RNF207: variants seen among roughly 807,000 people sequenced by gnomAD.
RNF207 encodes the protein OTTHUMG00000001089.
In RNF207, 72 loss-of-function variants were observed where a neutral mutation model predicts 79.0. The observed-to-expected ratio is 0.91, with a 90% CI of 0.75 to 1.11. The LOEUF is 1.11. RNF207 is among the 50% of genes least tolerant of loss of function. The pLI is 0.00. For synonymous variants in RNF207, 348 were observed against 366.2 expected (o/e 0.95, Z 0.57); for missense variants, 936 against 855.8 (o/e 1.09, Z -1.17).
intron 2 of RNF207, 131 bp downstream of exon 2, chr1:6,206,857 T>C: frequency 1.4e-6 from 1 of 701,424 alleles, no homozygotes; most frequent in Non-Finnish European, 2.3e-6. Context: ...TGGGAGATAC[T>C]GCACCCGGTC....
rs12748837 is a variant in RNF207 at position 6,210,453 on chromosome 1, C to T, written c.942+15C>T. 1.2e-5 allele frequency: 20 copies of T among 1,605,982 alleles called. No homozygotes were observed. Among genetic ancestry groups the T allele is most frequent in the Non-Finnish European group, 1.6e-5 (19 of 1,174,820 alleles). On this transcript the variant is annotated intron_variant, in intron 10 of 17. Transcript: ENST00000377939. ...ACCTGGGCTATGTGAGTCTCCTCTGCTCCTGCAGATGCCCCCTCCCCACCA... is the reference window on the plus strand; with the variant it reads ...ACCTGGGCTATGTGAGTCTCCTCTGTTCCTGCAGATGCCCCCTCCCCACCA...
Position 6,206,293 on chromosome 1 carries a change from G to T in RNF207, c.-10G>T, listed in dbSNP as rs1371180582. 2.2e-6 allele frequency: 1 copy of T among 452,900 alleles called. No individual in the cohort carries two copies. The highest frequency in any genetic ancestry group is 3.9e-6 in the Non-Finnish European group (1 of 258,376). 28.1% of individuals were successfully genotyped at this position (452,900 alleles called of 1,614,324 possible). ...GAGGACCGGTAGCTCCCAGCAAAGC[G>T]GCCCAGCGGGTAGGTACAAGGCCCC... On this transcript the variant is annotated 5_prime_UTR_variant, in exon 1 of 18. Coordinates refer to ENST00000377939, the MANE Select transcript of RNF207 (RefSeq NM_207396.3).
In RNF207 at chr1:6,209,173, C is replaced by G; in HGVS notation, c.528C>G (p.Ile176Met). ...FSTDKKLLLC[I>M]RCFRDMQKES... ...CCGACAAGAAGTTGCTGTTGTGCATCCGCTGCTTCCGCGACATGCAGAAGT... is the reference window on the plus strand; with the variant it reads ...CCGACAAGAAGTTGCTGTTGTGCATGCGCTGCTTCCGCGACATGCAGAAGT... Residue 176 changes from isoleucine (I) to methionine (M), a missense_variant, in exon 5 of 18, where the codon ATC (isoleucine) becomes ATG (methionine). Physicochemically the swap from Ile to Met is conservative, Grantham distance 10. Transcript: ENST00000377939. The G allele has an allele frequency of 1.9e-6, 3 of 1,555,866 alleles. No individual in the cohort carries two copies. Among genetic ancestry groups the G allele is most frequent in the Non-Finnish European group, 2.6e-6 (3 of 1,149,316 alleles).
chr1:6,210,563 C>T, intron 10 of RNF207, 125 bp downstream of exon 10: 1 of 716,992 alleles, frequency 1.4e-6, no homozygotes, highest in East Asian at 2.6e-5. Flanking sequence ...TCGGGGCTGA[C>T]CCCCTCCCAA....
rs200211743 is a variant in RNF207 at position 6,212,374 on chromosome 1, G to A, written c.1440G>A (p.Ser480=). ...KSLQLDVQIA[S]EHASLEGMRV... Reference sequence around the variant, plus strand: ...TGCAACTGGACGTGCAGATCGCCTCGGAGCACGCCTCCTTAGAGGGCATGA... The same window carrying A: ...TGCAACTGGACGTGCAGATCGCCTCAGAGCACGCCTCCTTAGAGGGCATGA... Residue 480 remains serine, a synonymous_variant, in exon 14 of 18, where the codon TCG becomes TCA. Coordinates refer to ENST00000377939, the MANE Select transcript of RNF207 (RefSeq NM_207396.3). 4.2e-4 allele frequency: 683 copies of A among 1,613,544 alleles called. No individual in the cohort carries two copies. The highest frequency in any genetic ancestry group is 7.2e-4 in the Admixed American group (43 of 59,968).
chr1:6,209,225 G>A (rs749519348), intron 5 of RNF207, 29 bp downstream of exon 5: 1 of 1,550,118 alleles, frequency 6.5e-7, no homozygotes, highest in Non-Finnish European at 8.7e-7. Context: ...AGGGGAGGGG[G>A]CTGGGGGCCG....
chr1:6,207,585 C>G lies in RNF207; in HGVS notation c.324+74C>G, dbSNP rs1443246730. On this transcript the variant is annotated intron_variant, in intron 3 of 17. Coordinates refer to ENST00000377939, the MANE Select transcript of RNF207 (RefSeq NM_207396.3). This position sits in a 1 kb window ranked among gnomAD's most constrained non-coding sequence, Gnocchi z 4.5. ...ACAGTCCCCAATGCTTGCACATGCA[C>G]TCAGCATGTCTTCAGAGGACGACCT... 6 of 1,460,700 alleles carry G rather than the reference C, an allele frequency of 4.1e-6. No homozygotes were observed. The highest frequency in any genetic ancestry group is 4.7e-6 in the Non-Finnish European group (5 of 1,073,180). 90.5% of individuals were successfully genotyped at this position (1,460,700 alleles called of 1,614,324 possible).
Position 6,207,489 on chromosome 1 carries a change from G to A in RNF207, c.302G>A (p.Cys101Tyr), listed in dbSNP as rs1232252077. The A allele has an allele frequency of 6.2e-7, 1 of 1,603,992 alleles. No individual in the cohort carries two copies. The highest frequency in any genetic ancestry group is 1.1e-5 in the South Asian group (1 of 89,630). ...GTGGAGGCGGTGCGCTGTGCCAACT[G>A]TGACCTGGAGTGCAGCGAGCAGGCA... ...DGVEAVRCAN[C>Y]DLECSEQDVE... is the part of the protein sequence containing the mutation. Residue 101 changes from cysteine to tyrosine, a missense_variant, in exon 3 of 18, where the codon TGT becomes TAT. Physicochemically the swap from Cys to Tyr is radical, Grantham distance 194. Coordinates refer to ENST00000377939, the MANE Select transcript of RNF207 (RefSeq NM_207396.3). The surrounding 1 kb of genome is among the most constrained non-coding windows in gnomAD (Gnocchi z 4.5).
chr1:6,210,761 G>A (rs1668129129), intron 10 of RNF207, 109 bp from the exon 11 acceptor site: 3 of 980,738 alleles, frequency 3.1e-6, no homozygotes, highest in Non-Finnish European at 4.7e-6. Flanking sequence ...CGCTGCTAAG[G>A]GACACCAAGT....
chr1:6,212,943 C>T (rs1246362489), intron 15 of RNF207, 123 bp from the exon 16 acceptor site: 3 of 789,978 alleles, frequency 3.8e-6, no homozygotes, highest in Admixed American at 2.0e-5. Flanking sequence ...CCAAGTGCCT[C>T]CCTCTTTAAT....
chr1:6,216,502 G>A (rs981242576), intron 16 of RNF207, among the ~76,000 whole-genome samples: 3 of 151,752 alleles, frequency 2.0e-5, no homozygotes, highest in Non-Finnish European at 4.4e-5. Context: ...GAGCCCTCCC[G>A]TAGGTCCAGG....
intron 10 of RNF207, chr1:6,210,645 C>A: frequency 1.6e-6 from 1 of 631,284 alleles, no homozygotes; most frequent in South Asian, 1.9e-5. Flanking sequence ...CATGAGCCTA[C>A]AGTCCCCCGT....
intron 16 of RNF207, among the ~76,000 whole-genome samples, chr1:6,216,787 C>G (rs1479633576): frequency 6.7e-6 from 1 of 150,198 alleles, no homozygotes; most frequent in African/African-American, 2.5e-5. Flanking sequence ...CCAGGATGGT[C>G]TCGATCTCCT....
Position 6,211,065 on chromosome 1 carries a change from A to G in RNF207, c.1056A>G (p.Pro352=), listed in dbSNP as rs1052598. 0.057 allele frequency: 92,397 copies of G among 1,607,244 alleles called. 6,104 individuals are homozygous for G. The highest frequency in any genetic ancestry group is 0.34 in the African/African-American group (25,253 of 74,898). ...CTGAATTCGCGCGCTGTCTGGAGCC[A>G]CTGCTGCTGCTGGGGCCACGTCGGG... ...HRAEFARCLE[P]LLLLGPRRVA... The change falls in exon 12 of 18, where the codon CCA becomes CCG. Residue 352 remains proline (P), a synonymous_variant. Transcript: ENST00000377939. The surrounding 1 kb of genome is among the most constrained non-coding windows in gnomAD (Gnocchi z 4.2).
chr1:6,213,398 G>GT (rs2100939123), intron 16 of RNF207, among the ~76,000 whole-genome samples: 1 of 150,958 alleles, frequency 6.6e-6, no homozygotes, highest in South Asian at 2.1e-4. Context: ...GCTCATGCCT[G>GT]TAATCCCAGC....
chr1:6,211,833 C>T lies in RNF207; in HGVS notation c.1110-34C>T. 6.6e-7 allele frequency: 1 copy of T among 1,506,486 alleles called. No homozygotes were observed. 93.3% of individuals were successfully genotyped at this position (1,506,486 alleles called of 1,614,324 possible). A position where few individuals can be genotyped will look rare whatever the true frequency, so the allele number is the denominator to read the frequency against. ...AGGCTGGGGGAGGGGCAGACTTCCC[C>T]ACCCCCCTGCATCCACACTGGCTCT... is the stretch of plus-strand genomic sequence containing the variant. On this transcript the variant is annotated intron_variant, in intron 12 of 17. Coordinates refer to ENST00000377939, the MANE Select transcript of RNF207 (RefSeq NM_207396.3). The surrounding 1 kb of genome is among the most constrained non-coding windows in gnomAD (Gnocchi z 4.2).
At chr1:6,210,752 G>C in intron 10 of RNF207, 118 bp from the exon 11 acceptor site, 1 of 893,588 alleles carries the variant, frequency 1.1e-6, no homozygotes, top group South Asian at 1.5e-5. Flanking sequence ...GAGGGCTGGC[G>C]CTGCTAAGGG....
At chr1:6,213,277 TC>T (rs1298588363) in intron 16 of RNF207, 94 bp downstream of exon 16, 14 of 754,428 alleles carry the variant, frequency 1.9e-5, no homozygotes, top group Admixed American at 7.3e-5. Context: ...TCCTAACACT[TC>T]GGGAGGCTGA....
In RNF207 at chr1:6,207,735, T is replaced by C. The variant is rs781041615; in HGVS notation, c.324+224T>C. 2.9e-6 allele frequency: 2 copies of C among 698,948 alleles called. No homozygotes were observed. Among genetic ancestry groups the C allele is most frequent in the Non-Finnish European group, 5.2e-6 (2 of 384,564 alleles). 43.3% of individuals were successfully genotyped at this position (698,948 alleles called of 1,614,324 possible). A position where few individuals can be genotyped will look rare whatever the true frequency, so the allele number is the denominator to read the frequency against. On this transcript the variant is annotated intron_variant, in intron 3 of 17. Transcript: ENST00000377939. This position sits in a 1 kb window ranked among gnomAD's most constrained non-coding sequence, Gnocchi z 4.5. ...CCAGTGTCCAGACAGTGGCAGAGGC[T>C]AAGGCCATTCGATCTGGGGAGAGCT...
Sources: allele counts gnomAD v4.1 joint callset (sites outside exome capture counted in the v4.1 genomes callset), GRCh38; gene constraint gnomAD v4.1.1; non-coding constraint Gnocchi (gnomAD v3.1); transcripts MANE v1.5; gene names NCBI Gene and HGNC (gene_info 2026-07-23, HGNC 2026-07-21).